The following TKTL1 variants were observed in gnomAD, a reference collection of about 807,000 sequenced individuals.
TKTL1 encodes transketolase like 1.
A neutral mutation model predicts 39.3 loss-of-function variants in TKTL1; 1 was observed. That is an observed-to-expected ratio of 0.03 (90% CI 0.01 to 0.12). The LOEUF is 0.12. Among genes scored for constraint, TKTL1 ranks in the 10% least tolerant of loss-of-function variants. The pLI, the probability that TKTL1 is intolerant of heterozygous loss-of-function variation, is 1.00. For synonymous variants in TKTL1, 262 were observed against 193.8 expected (o/e 1.35, Z -2.92); for missense variants, 575 against 509.6 (o/e 1.13, Z -1.24).
At chrX:154,325,251 C>T in intron 9 of TKTL1, 88 bp from the exon 10 acceptor site, 1 of 913,435 alleles carries the variant, frequency 1.1e-6, no homozygotes, top group Non-Finnish European at 1.6e-6. Flanking sequence ...GAGCTGTCCT[C>T]TTCACACCCC....
At chrX:154,317,209 T>C (rs782701007) in intron 7 of TKTL1, among the ~76,000 whole-genome samples, 38 of 112,422 alleles carry the variant, frequency 3.4e-4, no homozygotes, top group African/African-American at 1.1e-3. Context: ...CCTGCTGATA[T>C]GTTCTCACAG....
rs782388015 is a variant in TKTL1 at position 154,312,676 on chromosome X, G to A, written c.767G>A (p.Arg256Lys). The change falls in exon 6 of 13, where the codon AGG becomes AAG. Residue 256 changes from arginine to lysine, a missense_variant. Physicochemically the swap from Arg to Lys is conservative, Grantham distance 26 (BLOSUM62 2). Coordinates refer to ENST00000369915, the MANE Select transcript of TKTL1 (RefSeq NM_012253.4). ...ATTGAGAGCCAGATACAGACCAGCA[G>A]GAATCTTGACCCACAGCCCCCCATT... ...KLIESQIQTS[R>K]NLDPQPPIED... 6.6e-6 allele frequency: 8 copies of A among 1,211,688 alleles called. No individual in the cohort carries two copies. In the South Asian group the frequency reaches 1.4e-4, roughly 21 times the overall value.
At position 154,295,864 on chromosome X, in the gene TKTL1, C is replaced by A; in HGVS notation, c.5C>A (p.Ala2Glu). Residue 2 changes from alanine to glutamate, a missense_variant, in exon 1 of 13, where the codon GCG becomes GAG. Transcript: ENST00000369915. Reference protein sequence around the residue: MADAEARAEFPE... With the variant: MEDAEARAEFPE... ...GACTCCAAAGGGGTTGGACTAATGG[C>A]GGATGCTGAGGCGAGGGCTGAGTTC... The A allele has an allele frequency of 1.7e-6, 2 of 1,210,482 alleles. No individual in the cohort carries two copies. Among genetic ancestry groups the A allele is most frequent in the Non-Finnish European group, 1.1e-6 (1 of 894,842 alleles).
chrX:154,307,303 A>G (rs916253687), intron 2 of TKTL1, among the ~76,000 whole-genome samples: 6 of 111,991 alleles, frequency 5.4e-5, no homozygotes, highest in Non-Finnish European at 1.1e-4. Context: ...TCTATCGGGC[A>G]GCAGCACACC....
intron 1 of TKTL1, among the ~76,000 whole-genome samples, chrX:154,299,906 G>C (rs1216682679): frequency 8.9e-6 from 1 of 111,766 alleles, no homozygotes. Context: ...ACATGTGTGT[G>C]CATGTACCTT....
At chrX:154,316,607 G>T (rs2067402145) in intron 7 of TKTL1, among the ~76,000 whole-genome samples, 1 of 110,884 alleles carries the variant, frequency 9.0e-6, no homozygotes, top group Non-Finnish European at 1.9e-5. Context: ...GGATTCTTTT[G>T]AAAAATGGGA....
At chrX:154,312,091 C>A (rs1380872806) in intron 5 of TKTL1, among the ~76,000 whole-genome samples, 1 of 112,106 alleles carries the variant, frequency 8.9e-6, no homozygotes, top group Non-Finnish European at 1.9e-5. Flanking sequence ...CACTCCAAAC[C>A]CTTCAATGGT....
At chrX:154,300,626 A>C (rs1557165714) in intron 1 of TKTL1, among the ~76,000 whole-genome samples, 1 of 111,287 alleles carries the variant, frequency 9.0e-6, no homozygotes, top group Non-Finnish European at 1.9e-5. Flanking sequence ...TTATTTTGTA[A>C]CCTGAGACTA....
At chrX:154,296,053 C>T (rs2067224562) in intron 1 of TKTL1, 60 bp downstream of exon 1, 3 of 1,177,386 alleles carry the variant, frequency 2.5e-6, no homozygotes, top group South Asian at 3.7e-5. Flanking sequence ...GGCTTCAGGC[C>T]TGGTGGCCAT....
At chrX:154,325,464 T>C in intron 10 of TKTL1, 42 bp downstream of exon 10, 3 of 1,075,344 alleles carry the variant, frequency 2.8e-6, no homozygotes, top group Non-Finnish European at 3.9e-6. Flanking sequence ...TATCATCTCC[T>C]GTAAAAAGAA....
chrX:154,328,616 T>TA (rs1349492542), intron 12 of TKTL1, among the ~76,000 whole-genome samples: 1 of 85,440 alleles, frequency 1.2e-5, no homozygotes, highest in Non-Finnish European at 2.2e-5. Context: ...AAAGCAGGTA[T>TA]AGCAGAGAAC....
At chrX:154,302,488 C>G (rs1448854104) in intron 1 of TKTL1, among the ~76,000 whole-genome samples, 1 of 111,039 alleles carries the variant, frequency 9.0e-6, no homozygotes, top group African/African-American at 3.3e-5. Flanking sequence ...TACCTTCCCC[C>G]CCGTATCCTC....
chrX:154,320,450 A>G (rs1274544881), intron 7 of TKTL1: 4 of 302,379 alleles, frequency 1.3e-5, no homozygotes, highest in Non-Finnish European at 2.3e-5. Flanking sequence ...CCTGTGAGAA[A>G]GCAGGAACAG....
chrX:154,318,212 AT>A (rs1557169774), intron 7 of TKTL1, among the ~76,000 whole-genome samples: 1 of 110,827 alleles, frequency 9.0e-6, no homozygotes, highest in Non-Finnish European at 1.9e-5. Context: ...GGGAGCCGCC[AT>A]GCTTGGCCAC....
At chrX:154,311,890 T>G (rs2067360791) in intron 5 of TKTL1, among the ~76,000 whole-genome samples, 1 of 110,818 alleles carries the variant, frequency 9.0e-6, no homozygotes, top group African/African-American at 3.3e-5. Context: ...TGCCTCCCCC[T>G]CATATGCCCA....
At chrX:154,305,110 A>G in intron 1 of TKTL1, 194 bp from the exon 2 acceptor site, 1 of 1,153,738 alleles carries the variant, frequency 8.7e-7, no homozygotes, top group Non-Finnish European at 1.2e-6. Flanking sequence ...CTCACTGTGC[A>G]CAGGGGGAGG....
intron 9 of TKTL1, 55 bp from the exon 10 acceptor site, chrX:154,325,284 G>C: frequency 9.1e-7 from 1 of 1,098,396 alleles, no homozygotes; most frequent in Non-Finnish European, 1.3e-6. Context: ...TTCAACGTCT[G>C]TTGTTGGAAA....
intron 8 of TKTL1, among the ~76,000 whole-genome samples, chrX:154,322,623 C>G (rs1484281693): frequency 9.0e-6 from 1 of 111,520 alleles, no homozygotes; most frequent in Non-Finnish European, 1.9e-5. Context: ...GTGACAATCC[C>G]CTTCCTAGCT....
At chrX:154,304,077 G>A (rs1262481707) in intron 1 of TKTL1, among the ~76,000 whole-genome samples, 1 of 110,513 alleles carries the variant, frequency 9.0e-6, no homozygotes, top group Admixed American at 9.7e-5. Flanking sequence ...CTCAGCAGTG[G>A]GGAGAGAGCA....
Sources: allele counts gnomAD v4.1 joint callset (sites outside exome capture counted in the v4.1 genomes callset), GRCh38; gene constraint gnomAD v4.1.1; transcripts MANE v1.5; gene names NCBI Gene and HGNC (gene_info 2026-07-23, HGNC 2026-07-21).